The following GRM5 variants were observed in gnomAD, a reference collection of about 807,000 sequenced individuals.
The protein encoded by GRM5 is metabotropic glutamate receptor 5.
GRM5 carries 19 observed loss-of-function variants against 83.1 expected under a neutral mutation model. The observed-to-expected ratio is 0.23, with a 90% CI of 0.16 to 0.34. GRM5 has a LOEUF of 0.34. GRM5 is among the 10% of genes least tolerant of loss of function. GRM5 has a pLI of 1.00. For missense variants in GRM5, 1,160 were observed against 1,588.3 expected (o/e 0.73, Z 4.58); for synonymous variants, 675 against 633.6 (o/e 1.07, Z -0.98).
rs150809037 is a variant in GRM5, at chr11:88,744,963, T to C, written c.912-91560A>G. ...GATTAAAAATGATGACTGACATTGA[T>C]TGAAGAGAGAGTGTATGCCTGTCTG... On this transcript the variant is annotated intron_variant, in intron 3 of 9. Coordinates refer to ENST00000305447, the MANE Select transcript of GRM5 (RefSeq NM_001143831.3). 4.6e-5 allele frequency among the ~76,000 whole-genome samples: 7 copies of C among 152,258 alleles called. No homozygotes were observed. The East Asian group carries it at 1.4e-3, about 29-fold the overall frequency.
At chr11:88,899,185 T>C (rs960201350) in intron 2 of GRM5, among the ~76,000 whole-genome samples, 24 of 151,946 alleles carry the variant, frequency 1.6e-4, no homozygotes, top group African/African-American at 5.8e-4. Context: ...TCAGAATATC[T>C]GCCAAAATAA....
At chr11:88,524,140 T>A (rs1038152043) in intron 9 of GRM5, 3 of 151,862 alleles carry the variant, frequency 2.0e-5, no homozygotes, top group African/African-American at 7.3e-5. Context: ...TGGAACTGTT[T>A]AATGTCAATC....
chr11:88,667,464 C>T (rs182124711), intron 3 of GRM5, among the ~76,000 whole-genome samples: 25 of 152,038 alleles, frequency 1.6e-4, no homozygotes, highest in African/African-American at 5.8e-4. Context: ...CATAGTAAAG[C>T]TGCTAAAAAT....
chr11:89,036,416 A>C (rs1200285750), intron 2 of GRM5, among the ~76,000 whole-genome samples: 1 of 152,150 alleles, frequency 6.6e-6, no homozygotes, highest in Non-Finnish European at 1.5e-5. Flanking sequence ...CTGGGCAATG[A>C]TGAATTGAAA....
chr11:89,021,535 A>G (rs897586744), intron 2 of GRM5, among the ~76,000 whole-genome samples: 13 of 152,226 alleles, frequency 8.5e-5, no homozygotes, highest in Admixed American at 8.5e-4. Context: ...GATTAACTGC[A>G]CAGCTCAGCA....
intron 3 of GRM5, among the ~76,000 whole-genome samples, chr11:88,759,364 T>C (rs1942462918): frequency 6.6e-6 from 1 of 151,834 alleles, no homozygotes; most frequent in Non-Finnish European, 1.5e-5. Flanking sequence ...AGGTTCAAAA[T>C]TAAGGGACAG....
chr11:88,691,668 C>T (rs1940783603), intron 3 of GRM5, among the ~76,000 whole-genome samples: 1 of 152,110 alleles, frequency 6.6e-6, no homozygotes, highest in South Asian at 2.1e-4. Context: ...AGATGTGCAT[C>T]CACTCATGTA....
intron 8 of GRM5, among the ~76,000 whole-genome samples, chr11:88,547,933 T>C (rs1224497717): frequency 1.3e-5 from 2 of 152,194 alleles, no homozygotes; most frequent in Admixed American, 1.3e-4. Context: ...CCACCAGATA[T>C]ATCTCTATGC....
intron 7 of GRM5, among the ~76,000 whole-genome samples, chr11:88,582,366 T>C (rs1266746135): frequency 6.6e-6 from 1 of 152,220 alleles, no homozygotes; most frequent in African/African-American, 2.4e-5. Context: ...ATGCAATTAT[T>C]TAAGTAAGGT....
chr11:89,002,613 A>C (rs1443716244), intron 2 of GRM5, among the ~76,000 whole-genome samples: 1 of 152,192 alleles, frequency 6.6e-6, no homozygotes, highest in Non-Finnish European at 1.5e-5. Flanking sequence ...TGCATGGGTC[A>C]CTTACTACTA....
chr11:88,739,853 AG>A (rs1357100883), intron 3 of GRM5, among the ~76,000 whole-genome samples: 14 of 152,096 alleles, frequency 9.2e-5, no homozygotes, highest in South Asian at 2.1e-4. Flanking sequence ...TAGCAGTGTG[AG>A]AATGGGCTAA....
intron 7 of GRM5, among the ~76,000 whole-genome samples, chr11:88,572,522 T>C (rs1227236883): frequency 6.6e-6 from 1 of 152,188 alleles, no homozygotes; most frequent in East Asian, 1.9e-4. Context: ...GATAATTATA[T>C]GTTTTTTTCC....
intron 5 of GRM5, among the ~76,000 whole-genome samples, chr11:88,603,143 CAA>C: frequency 6.6e-6 from 1 of 151,888 alleles, no homozygotes; most frequent in Non-Finnish European, 1.5e-5. Context: ...ATGATTGTTC[CAA>C]AAAAAGATTA....
chr11:88,800,997 G>T (rs928213386), intron 3 of GRM5, among the ~76,000 whole-genome samples: 2 of 152,090 alleles, frequency 1.3e-5, no homozygotes, highest in African/African-American at 2.4e-5. Flanking sequence ...ATATAGGATT[G>T]TTTCTACTGA....
intron 3 of GRM5, among the ~76,000 whole-genome samples, chr11:88,718,956 A>G (rs1941464974): frequency 6.6e-6 from 1 of 151,168 alleles, no homozygotes; most frequent in African/African-American, 2.4e-5. Context: ...TCAGTGAAGC[A>G]TGTTTGGCCA....
At chr11:88,696,232 G>A (rs1360940128) in intron 3 of GRM5, among the ~76,000 whole-genome samples, 1 of 152,122 alleles carries the variant, frequency 6.6e-6, no homozygotes, top group African/African-American at 2.4e-5. Context: ...TGGTCTGCCA[G>A]CGTCTGCTGG....
chr11:89,002,911 A>G (rs1438271192), intron 2 of GRM5, among the ~76,000 whole-genome samples: 2 of 152,074 alleles, frequency 1.3e-5, no homozygotes, highest in Non-Finnish European at 2.9e-5. Context: ...ACCTTATCTA[A>G]TATTCAATTT....
rs1056820454 is a variant in GRM5, at chr11:88,719,166, G to T, written c.912-65763C>A. Among the ~76,000 whole-genome samples, 6 of 151,816 alleles carry T rather than the reference G, an allele frequency of 4.0e-5. 1 individual carries two copies. The highest frequency in any genetic ancestry group is 1.4e-4 in the African/African-American group (6 of 41,420). ...GTTGTATAGATTATTTCATCACCCAGATATTAAGCCTGATACCCATTAGTT... is the reference window on the plus strand; with the variant it reads ...GTTGTATAGATTATTTCATCACCCATATATTAAGCCTGATACCCATTAGTT... On this transcript the variant is annotated intron_variant, in intron 3 of 9. Coordinates refer to ENST00000305447, the MANE Select transcript of GRM5 (RefSeq NM_001143831.3).
At chr11:88,774,950 C>A (rs1426464834) in intron 3 of GRM5, among the ~76,000 whole-genome samples, 1 of 152,176 alleles carries the variant, frequency 6.6e-6, no homozygotes, top group East Asian at 1.9e-4. Flanking sequence ...CAGGATGATG[C>A]TGGCCTCATA....
Sources: gnomAD v4.1 joint callset for allele counts (sites outside exome capture counted in the v4.1 genomes callset) on GRCh38, gnomAD v4.1.1 for gene constraint, MANE v1.5 for transcripts, NCBI Gene and HGNC (gene_info 2026-07-23, HGNC 2026-07-21) for gene names.